DGKB: variants seen among roughly 807,000 people sequenced by gnomAD.
DGKB encodes diacylglycerol kinase beta.
DGKB carries 67 observed loss-of-function variants against 114.3 expected under a neutral mutation model. That is an observed-to-expected ratio of 0.59 (90% CI 0.48 to 0.72). DGKB has a LOEUF of 0.72. Ranked by LOEUF, DGKB falls within the 30% of genes least tolerant of loss-of-function variation. DGKB has a pLI of 0.00. For missense variants in DGKB, 907 were observed against 975.2 expected, an observed-to-expected ratio of 0.93 and a Z score of 0.93; for synonymous variants, 398 against 323.1, an observed-to-expected ratio of 1.23 and a Z score of -2.49.
rs996209324 is a variant in DGKB at position 14,147,033 on chromosome 7, A to AATATGTTTTTG, written c.*2087_*2097dup. 5 of 152,176 alleles carry AATATGTTTTTG rather than the reference A, an allele frequency of 3.3e-5. No homozygotes were observed. Among genetic ancestry groups the AATATGTTTTTG allele is most frequent in the Admixed American group, 2.6e-4 (4 of 15,272 alleles). 9.4% of individuals were successfully genotyped at this position (152,176 alleles called of 1,614,324 possible). ...AACATAAAATAATTTGTGGCTTCAAAATATGTTTTTGACACAAAGCCTGCC... is the reference window on the plus strand; with the variant it reads ...AACATAAAATAATTTGTGGCTTCAAAATATGTTTTTGATATGTTTTTGACACAAAGCCTGCC... On this transcript the variant is annotated 3_prime_UTR_variant, in exon 26 of 26. Transcript: ENST00000402815.
intron 25 of DGKB, among the ~76,000 whole-genome samples, chr7:14,153,722 G>C (rs566019970): frequency 1.3e-5 from 2 of 151,392 alleles, no homozygotes; most frequent in African/African-American, 4.9e-5. Context: ...CAAAGTGAAG[G>C]GATAAAAAGA....
intron 23 of DGKB, among the ~76,000 whole-genome samples, chr7:14,252,386 C>T (rs1001501759): frequency 3.3e-5 from 5 of 152,060 alleles, no homozygotes; most frequent in South Asian, 4.1e-4. Context: ...CCTGATTATT[C>T]GTGATTTTAT....
At chr7:14,771,492 T>G (rs1302792553) in intron 2 of DGKB, among the ~76,000 whole-genome samples, 1 of 152,082 alleles carries the variant, frequency 6.6e-6, no homozygotes, top group Non-Finnish European at 1.5e-5. Flanking sequence ...TTTGCTTTGA[T>G]GAAGGATTAA....
chr7:14,182,156 G>A (rs1020438658), intron 23 of DGKB, among the ~76,000 whole-genome samples: 8 of 151,880 alleles, frequency 5.3e-5, no homozygotes, highest in African/African-American at 1.7e-4. Context: ...AAGATAATAC[G>A]TTTTAATTAT....
intron 18 of DGKB, 117 bp downstream of exon 18, chr7:14,582,935 A>T (rs1405056874): frequency 1.3e-6 from 1 of 753,990 alleles, no homozygotes. Flanking sequence ...AACCTTCCAG[A>T]TGTCCAATTA....
At chr7:14,430,773 T>G (rs913899857) in intron 21 of DGKB, among the ~76,000 whole-genome samples, 9 of 152,204 alleles carry the variant, frequency 5.9e-5, no homozygotes, top group African/African-American at 2.2e-4. Context: ...CTGAGTAATT[T>G]CATTGGCACA....
In DGKB at chr7:14,284,532, A is replaced by G. The variant is rs1449649832; in HGVS notation, c.2122+53983T>C. Reference sequence around the variant, plus strand: ...CTGGGTATATACCCAAAGGACTATAAATCATGCTGCTATAAAGACACATGC... The same window carrying G: ...CTGGGTATATACCCAAAGGACTATAGATCATGCTGCTATAAAGACACATGC... On this transcript the variant is annotated intron_variant, in intron 23 of 25. Coordinates refer to ENST00000402815, the MANE Select transcript of DGKB (RefSeq NM_001350709.2). Among the ~76,000 whole-genome samples the G allele has an allele frequency of 6.2e-5, 9 of 144,132 alleles. 1 individual carries two copies. The highest frequency in any genetic ancestry group is 2.6e-4 in the African/African-American group (9 of 34,520). The allele number at this position is 144,132 out of a possible 152,430, so 94.6% of individuals were successfully genotyped here.
At chr7:14,958,472 C>T (rs1247179818) in intron 1 of DGKB, among the ~76,000 whole-genome samples, 1 of 149,230 alleles carries the variant, frequency 6.7e-6, no homozygotes, top group Non-Finnish European at 1.5e-5. Context: ...CACACACACA[C>T]ACACCCCGTC....
chr7:14,538,712 C>T (rs1390610908), intron 20 of DGKB, among the ~76,000 whole-genome samples: 1 of 152,076 alleles, frequency 6.6e-6, no homozygotes, highest in Non-Finnish European at 1.5e-5. Context: ...TCACAATAGC[C>T]AAGACATGAA....
chr7:14,561,469 G>T (rs186757366), intron 20 of DGKB, among the ~76,000 whole-genome samples: 1 of 152,304 alleles, frequency 6.6e-6, no homozygotes, highest in East Asian at 1.9e-4. Flanking sequence ...TTGGAATAGA[G>T]TGACAGGCAG....
At chr7:14,235,701 T>C (rs961256356) in intron 23 of DGKB, among the ~76,000 whole-genome samples, 13 of 152,190 alleles carry the variant, frequency 8.5e-5, no homozygotes, top group African/African-American at 3.1e-4. Flanking sequence ...ATGGCAACTT[T>C]TCCCAATACC....
intron 23 of DGKB, among the ~76,000 whole-genome samples, chr7:14,286,269 T>C (rs1019111452): frequency 6.6e-6 from 1 of 152,104 alleles, no homozygotes; most frequent in African/African-American, 2.4e-5. Context: ...CTGAAAAATG[T>C]GCCTCACTGA....
At chr7:14,502,802 G>A (rs1786411435) in intron 20 of DGKB, among the ~76,000 whole-genome samples, 1 of 152,070 alleles carries the variant, frequency 6.6e-6, no homozygotes, top group Non-Finnish European at 1.5e-5. Flanking sequence ...CACTCTTGCT[G>A]TATGCACTGA....
chr7:14,492,873 T>C (rs888475022), intron 20 of DGKB, among the ~76,000 whole-genome samples: 5 of 152,084 alleles, frequency 3.3e-5, no homozygotes, highest in Admixed American at 3.3e-4. Flanking sequence ...TTGAAAGAAA[T>C]ATTTTAATTA....
chr7:14,843,354 G>A (rs1433322166), intron 1 of DGKB, among the ~76,000 whole-genome samples: 2 of 101,382 alleles, frequency 2.0e-5, no homozygotes, highest in African/African-American at 7.8e-5. Context: ...TTGAGACGGA[G>A]TCTCGCTCTG....
Position 14,442,351 on chromosome 7 carries a change from T to A in DGKB, c.1835+35810A>T, listed in dbSNP as rs1475987052. 2.0e-5 allele frequency among the ~76,000 whole-genome samples: 3 copies of A among 152,056 alleles called. No homozygotes were observed. The East Asian group carries it at 5.8e-4, about 29-fold the overall frequency. On this transcript the variant is annotated intron_variant, in intron 21 of 25. Transcript: ENST00000402815. ...GTTACTTGGGTTTCTATATTTTAAT[T>A]CTTGATATTCTTAATATTGATTCTT... is the stretch of plus-strand genomic sequence containing the variant.
chr7:14,404,313 A>C (rs1823596857), intron 21 of DGKB, among the ~76,000 whole-genome samples: 2 of 151,758 alleles, frequency 1.3e-5, no homozygotes, highest in Admixed American at 1.3e-4. Flanking sequence ...TCAACCTCTG[A>C]AACAAGAAAT....
chr7:14,955,726 C>T (rs1163594635), intron 1 of DGKB, among the ~76,000 whole-genome samples: 1 of 152,040 alleles, frequency 6.6e-6, no homozygotes, highest in Non-Finnish European at 1.5e-5. Context: ...GTTAAAATAT[C>T]TGGCTGAAAC....
Position 14,168,723 on chromosome 7 carries a change from G to T in DGKB, c.2304+8116C>A, listed in dbSNP as rs577321734. Among the ~76,000 whole-genome samples the T allele has an allele frequency of 7.2e-5, 11 of 152,316 alleles. No homozygotes were observed. The East Asian group carries it at 2.1e-3, about 29-fold the overall frequency. ...AATTAAGTCAGAAGAGCTGGATGCA[G>T]GCATGCGTAGCCGAAATACAAGTCT... On this transcript the variant is annotated intron_variant, in intron 25 of 25. Coordinates refer to ENST00000402815, the MANE Select transcript of DGKB (RefSeq NM_001350709.2).
Sources: allele counts gnomAD v4.1 joint callset (sites outside exome capture counted in the v4.1 genomes callset), GRCh38; gene constraint gnomAD v4.1.1; transcripts MANE v1.5; gene names NCBI Gene and HGNC (gene_info 2026-07-23, HGNC 2026-07-21).